The following LRP2 variants were observed in gnomAD, a reference collection of about 807,000 sequenced individuals.
LRP2 encodes the protein LDL receptor related protein 2, also known as low-density lipoprotein receptor-related protein 2.
A neutral mutation model predicts 531.0 loss-of-function variants in LRP2; 172 were observed. That is an observed-to-expected ratio of 0.32 (90% CI 0.29 to 0.37). LRP2 has a LOEUF of 0.37. LRP2 is among the 10% of genes least tolerant of loss of function. LRP2 has a pLI of 1.00. For missense variants in LRP2, 5,167 were observed against 5,868.3 expected (o/e 0.88, Z 3.90); for synonymous variants, 1,992 against 2,027.6 (o/e 0.98, Z 0.47).
Position 169,216,577 on chromosome 2 carries a change from T to C in LRP2, c.5649-147A>G, listed in dbSNP as rs13431061. On this transcript the variant is annotated intron_variant, in intron 34 of 78. Coordinates refer to ENST00000649046, the MANE Select transcript of LRP2 (RefSeq NM_004525.3). Reference sequence around the variant, plus strand: ...AATCAATATCTCGTTGCATACAACGTGGAGGGGTACTTCACCAGTGTTCTA... The same window carrying C: ...AATCAATATCTCGTTGCATACAACGCGGAGGGGTACTTCACCAGTGTTCTA... The C allele has an allele frequency of 0.073, 54,499 of 746,774 alleles. 3,733 individuals carry two copies. The highest frequency in any genetic ancestry group is 0.29 in the African/African-American group (16,689 of 57,510). 46.3% of individuals were successfully genotyped at this position (746,774 alleles called of 1,614,324 possible). A position where few individuals can be genotyped will look rare whatever the true frequency, so the allele number is the denominator to read the frequency against.
In LRP2 at chr2:169,233,798, G is replaced by A. The variant is rs548460190; in HGVS notation, c.4921-210C>T. Among the ~76,000 whole-genome samples, 8 of 152,252 alleles carry A rather than the reference G, an allele frequency of 5.3e-5. No individual in the cohort carries two copies. The South Asian group carries it at 6.2e-4, about 12-fold the overall frequency. ...CCATTCAAGAGCCTTTCACATACACGTGCCATTTACTCTTTATGTTTGCCT... is the reference window on the plus strand; with the variant it reads ...CCATTCAAGAGCCTTTCACATACACATGCCATTTACTCTTTATGTTTGCCT... On this transcript the variant is annotated intron_variant, in intron 29 of 78. Coordinates refer to ENST00000649046, the MANE Select transcript of LRP2 (RefSeq NM_004525.3).
chr2:169,311,048 TC>T (rs1684582974), intron 3 of LRP2, among the ~76,000 whole-genome samples: 1 of 152,166 alleles, frequency 6.6e-6, no homozygotes, highest in African/African-American at 2.4e-5. Flanking sequence ...GGTGGTGATA[TC>T]CCCTTTATCA....
chr2:169,192,072 C>G, intron 47 of LRP2, 39 bp from the exon 48 acceptor site: 2 of 1,517,206 alleles, frequency 1.3e-6, no homozygotes, highest in Non-Finnish European at 1.8e-6. Context: ...AGCATGAGAG[C>G]TCAGTGCAGC....
rs912280629 is a variant in LRP2, at chr2:169,138,701, C to G, written c.13394G>C (p.Ser4465Thr). The G allele has an allele frequency of 6.2e-7, 1 of 1,613,918 alleles. No individual in the cohort carries two copies. Among genetic ancestry groups the G allele is most frequent in the Non-Finnish European group, 8.5e-7 (1 of 1,179,862 alleles). ...LPALPKLPSL[S>T]SLVKPSENGN... The stretch of plus-strand genomic sequence containing the variant: ...ATTTTCAGAGGGCTTGACGAGACTG[C>G]TTAAGCTGGAAAGAAGTAACCAAAA... Residue 4465 changes from serine (S) to threonine (T), a missense_variant, in exon 75 of 79, where the codon AGC becomes ACC. This residue lies in a region of LRP2 where 348 missense variants were observed against 369.3 expected (regional missense o/e 0.94). Transcript: ENST00000649046.
intron 76 of LRP2, 33 bp downstream of exon 76, chr2:169,137,359 G>A: frequency 7.2e-7 from 1 of 1,386,596 alleles, no homozygotes; most frequent in Non-Finnish European, 1.0e-6. Flanking sequence ...AGCGACAGCA[G>A]TAACTGAAAG....
chr2:169,276,844 A>AT (rs562180952), intron 13 of LRP2, among the ~76,000 whole-genome samples: 5 of 152,044 alleles, frequency 3.3e-5, no homozygotes, highest in East Asian at 3.9e-4. Flanking sequence ...ATCTAAAATA[A>AT]TTTTTTTTAC....
intron 3 of LRP2, among the ~76,000 whole-genome samples, chr2:169,311,342 C>T (rs980809898): frequency 6.6e-6 from 1 of 152,170 alleles, no homozygotes; most frequent in African/African-American, 2.4e-5. Flanking sequence ...GCATTTAGTG[C>T]TATAAATTTC....
intron 30 of LRP2, 97 bp from the exon 31 acceptor site, chr2:169,231,939 T>C (rs1361681616): frequency 2.4e-5 from 35 of 1,453,284 alleles, no homozygotes; most frequent in African/African-American, 1.4e-5. Flanking sequence ...GAGGCCCCAG[T>C]ACAGGGGGGC....
At chr2:169,347,080 T>G (rs1685714335) in intron 1 of LRP2, among the ~76,000 whole-genome samples, 1 of 152,230 alleles carries the variant, frequency 6.6e-6, no homozygotes. Context: ...CTTCTTTCCC[T>G]CTTTCATCCC....
intron 15 of LRP2, 95 bp downstream of exon 15, chr2:169,272,832 T>G: frequency 6.6e-7 from 1 of 1,521,572 alleles, no homozygotes; most frequent in Non-Finnish European, 9.1e-7. Flanking sequence ...GACAGGGAGC[T>G]GGTCCAGTTC....
intron 71 of LRP2, among the ~76,000 whole-genome samples, chr2:169,141,848 G>T (rs531763803): frequency 6.6e-6 from 1 of 152,136 alleles, no homozygotes; most frequent in African/African-American, 2.4e-5. Context: ...GGGGAAGAGG[G>T]GTGACAAGAA....
In LRP2 at chr2:169,288,381, G is replaced by T. The variant is rs150761420; in HGVS notation, c.1042+645C>A. Among the ~76,000 whole-genome samples, 517 of 152,346 alleles carry T rather than the reference G, an allele frequency of 3.4e-3. 3 individuals carry two copies. The highest frequency in any genetic ancestry group is 0.011 in the African/African-American group (473 of 41,584). On this transcript the variant is annotated intron_variant, in intron 9 of 78. Coordinates refer to ENST00000649046, the MANE Select transcript of LRP2 (RefSeq NM_004525.3). Reference sequence around the variant, plus strand: ...GGAGAGATATGAGGAAATAGTTGGTGTACTGGTGTCTAGTTTAATGCCAGC... The same window carrying T: ...GGAGAGATATGAGGAAATAGTTGGTTTACTGGTGTCTAGTTTAATGCCAGC...
intron 13 of LRP2, among the ~76,000 whole-genome samples, chr2:169,276,930 C>T (rs1335418980): frequency 2.0e-5 from 3 of 151,910 alleles, no homozygotes; most frequent in Non-Finnish European, 4.4e-5. Context: ...TGTAGTGGCT[C>T]ACATCTGTAA....
At chr2:169,292,631 A>C (rs1684027365) in intron 6 of LRP2, among the ~76,000 whole-genome samples, 3 of 152,144 alleles carry the variant, frequency 2.0e-5, no homozygotes, top group African/African-American at 7.2e-5. Context: ...CAGCCTGGGC[A>C]ACATGGTGAG....
chr2:169,167,834 AG>A (rs2105270592), intron 61 of LRP2, among the ~76,000 whole-genome samples: 1 of 151,662 alleles, frequency 6.6e-6, no homozygotes, highest in East Asian at 1.9e-4. Context: ...GTTCTCAACC[AG>A]GGGACTAAAC....
chr2:169,186,089 C>A (rs1687628070), intron 49 of LRP2, 70 bp from the exon 50 acceptor site: 1 of 1,382,176 alleles, frequency 7.2e-7, no homozygotes, highest in South Asian at 1.2e-5. Flanking sequence ...GGTTCAAAGT[C>A]AACATTTCTA....
intron 31 of LRP2, among the ~76,000 whole-genome samples, chr2:169,230,737 A>G (rs146014912): frequency 2.0e-5 from 3 of 152,300 alleles, no homozygotes; most frequent in Non-Finnish European, 2.9e-5. Flanking sequence ...CTCCAGAAGA[A>G]ATCTCTTTTG....
chr2:169,290,263 GCT>G (rs1491440536), intron 8 of LRP2, among the ~76,000 whole-genome samples: 10 of 79,528 alleles, frequency 1.3e-4, no homozygotes, highest in Non-Finnish European at 2.3e-4. Context: ...GGAACCAGAA[GCT>G]TTTTTTTTTT....
At chr2:169,361,668 A>T (rs1257309320) in intron 1 of LRP2, among the ~76,000 whole-genome samples, 1 of 152,116 alleles carries the variant, frequency 6.6e-6, no homozygotes, top group African/African-American at 2.4e-5. Flanking sequence ...GACGGGCCCC[A>T]TTCATCAACA....
Sources: gnomAD v4.1 joint callset for allele counts (sites outside exome capture counted in the v4.1 genomes callset) on GRCh38, gnomAD v4.1.1 for gene constraint, gnomAD v4.1.1 regional missense constraint, MANE v1.5 for transcripts, NCBI Gene and HGNC (gene_info 2026-07-23, HGNC 2026-07-21) for gene names.